Variants in PAN2 observed in about 807,000 individuals in gnomAD.
PAN2 encodes PAN2-PAN3 deadenylation complex catalytic subunit PAN2.
In PAN2, 68 loss-of-function variants were observed where a neutral mutation model predicts 133.3. The observed-to-expected ratio is 0.51, with a 90% confidence interval of 0.42 to 0.62. PAN2 has a LOEUF of 0.62. Ranked by LOEUF, PAN2 falls within the 20% of genes least tolerant of loss-of-function variation. The pLI is 0.00. For synonymous variants in PAN2, 462 were observed against 544.6 expected, an observed-to-expected ratio of 0.85 and a Z score of 2.11; for missense variants, 1,042 against 1,500.5, an observed-to-expected ratio of 0.69 and a Z score of 5.05.
chr12:56,326,507 T>TA lies in PAN2; in HGVS notation c.1263-99dup, dbSNP rs2135980076. ...CCAGAGAAAAAGAAAATACTGAAGG[T>TA]AGACAAAAATCAGGAAAGTAGTAGA... On this transcript the variant is annotated intron_variant, in intron 7 of 25. Transcript: ENST00000440411. 3.3e-6 allele frequency: 5 copies of TA among 1,505,858 alleles called. No homozygotes were observed. The South Asian group carries it at 6.4e-5, about 19-fold the overall frequency. 93.3% of individuals were successfully genotyped at this position (1,505,858 alleles called of 1,614,324 possible).
At chr12:56,328,441 G>C in intron 3 of PAN2, 31 bp downstream of exon 3, 1 of 1,611,330 alleles carries the variant, frequency 6.2e-7, no homozygotes, top group South Asian at 1.1e-5. Flanking sequence ...AGGCATCCTC[G>C]TTCCTAGTCC....
chr12:56,321,555 A>C, intron 20 of PAN2, among the ~76,000 whole-genome samples: 1 of 151,132 alleles, frequency 6.6e-6, no homozygotes, highest in South Asian at 2.1e-4. Context: ...AAAAAAAAAA[A>C]AAAAATTTTT....
chr12:56,331,711 T>TG (rs200797851), intron 2 of PAN2, among the ~76,000 whole-genome samples: 3,524 of 135,870 alleles, frequency 0.026, 58 homozygotes, highest in Middle Eastern at 0.057. Context: ...TTTTTTTTTT[T>TG]TTTGTTTTTT....
chr12:56,318,252 G>A lies in PAN2; in HGVS notation c.3547C>T (p.Gln1183Ter). ...CAGGTCTTACTCTTGGGACTTGTTTGGCCCTCAGGCTCAGGCACCTTCCAG... is the reference window on the plus strand; with the variant it reads ...CAGGTCTTACTCTTGGGACTTGTTTAGCCCTCAGGCTCAGGCACCTTCCAG... Reference protein sequence around the residue: ...MDWKVPEPEGQTSPKNAAVFS... With the variant: ...MDWKVPEPEG The change falls in exon 25 of 26, where the codon CAA becomes TAA. Residue 1183 changes from glutamine to a stop codon, truncating the protein, a stop_gained. Coordinates refer to ENST00000440411, the MANE Select transcript of PAN2 (RefSeq NM_014871.6). LOFTEE classifies it high-confidence loss of function. 6.2e-7 allele frequency: 1 copy of A among 1,613,774 alleles called. No homozygotes were observed.
intron 1 of PAN2, 151 bp from the exon 2 acceptor site, chr12:56,333,359 G>A: frequency 2.0e-6 from 1 of 507,754 alleles, no homozygotes; most frequent in East Asian, 3.4e-5. Context: ...GGGATGGGCA[G>A]TGGGGGTGGA....
chr12:56,331,700 G>GTTTTTTTTTTTTT (rs67869491), intron 2 of PAN2, among the ~76,000 whole-genome samples: 2 of 125,330 alleles, frequency 1.6e-5, no homozygotes, highest in Non-Finnish European at 1.9e-5. Context: ...GAAGGACAGC[G>GTTTTTTTTTTTTT]TTTTTTTTTT....
At chr12:56,332,508 T>C (rs1322594213) in intron 2 of PAN2, among the ~76,000 whole-genome samples, 1 of 150,834 alleles carries the variant, frequency 6.6e-6, no homozygotes, top group African/African-American at 2.5e-5. Context: ...AGTGGGAGGA[T>C]TGTGTGAGCC....
chr12:56,326,274 T>C (rs1235231281), intron 8 of PAN2, 39 bp downstream of exon 8: 2 of 1,515,550 alleles, frequency 1.3e-6, no homozygotes, highest in East Asian at 2.4e-5. Flanking sequence ...GAAACTTCAG[T>C]GGGCCGGGGT....
chr12:56,332,635 A>C, intron 2 of PAN2, 178 bp downstream of exon 2: 1 of 624,468 alleles, frequency 1.6e-6, no homozygotes, highest in Non-Finnish European at 2.8e-6. Context: ...GCCTCCTGAG[A>C]AAGAATATGT....
rs749003912 is a variant in PAN2 at position 56,324,723 on chromosome 12, CAGA to C, written c.1600-17_1600-15del. On this transcript the variant is annotated splice_polypyrimidine_tract_variant and intron_variant, in intron 10 of 25. Coordinates refer to ENST00000440411, the MANE Select transcript of PAN2 (RefSeq NM_014871.6). ...GAAATAGAGCACCTGGAGGGAAAAG[CAGA>C]AGAACTGATGTAGGAAACTGGCCTG... The C allele has an allele frequency of 2.2e-5, 35 of 1,609,082 alleles. No homozygotes were observed. Among genetic ancestry groups the C allele is most frequent in the African/African-American group, 5.4e-5 (4 of 74,556 alleles).
Position 56,319,141 on chromosome 12 carries a change from T to C in PAN2, c.3311A>G (p.His1104Arg). 6.2e-7 allele frequency: 1 copy of C among 1,614,074 alleles called. No individual in the cohort carries two copies. The highest frequency in any genetic ancestry group is 1.3e-5 in the African/African-American group (1 of 74,986). Residue 1104 changes from histidine to arginine, a missense_variant, in exon 24 of 26, where the codon CAT (histidine) becomes CGT (arginine). His to Arg is a conservative substitution (Grantham distance 29). This residue lies in a region of PAN2 where 85 missense variants were observed against 116.5 expected (regional missense o/e 0.73). Coordinates refer to ENST00000440411, the MANE Select transcript of PAN2 (RefSeq NM_014871.6). The surrounding 1 kb of genome is among the most constrained non-coding windows in gnomAD (Gnocchi z 5.4). Reference protein sequence around the residue: ...DQVLDTVYLFHMPRKRMISLR... With the variant: ...DQVLDTVYLFRMPRKRMISLR... ...GGAAATCATTCGTTTTCGGGGCATA[T>C]GGAACAGGTAGACAGTGTCAAGGAC...
rs1874054732 is a variant in PAN2, at chr12:56,317,652, G to C, written c.3563-9C>G. Reference sequence around the variant, plus strand: ...GGAGAAGACAGCTGCATCTGTCAGAGACAAAACCAAAAGCATGATTCAAGC... The same window carrying C: ...GGAGAAGACAGCTGCATCTGTCAGACACAAAACCAAAAGCATGATTCAAGC... On this transcript the variant is annotated splice_polypyrimidine_tract_variant and intron_variant, in intron 25 of 25. Coordinates refer to ENST00000440411, the MANE Select transcript of PAN2 (RefSeq NM_014871.6). 6.2e-7 allele frequency: 1 copy of C among 1,612,936 alleles called. No homozygotes were observed. Among genetic ancestry groups the C allele is most frequent in the Non-Finnish European group, 8.5e-7 (1 of 1,179,198 alleles).
Position 56,322,445 on chromosome 12 carries a change from A to G in PAN2, c.2675T>C (p.Phe892Ser). The G allele has an allele frequency of 6.2e-7, 1 of 1,612,782 alleles. No homozygotes were observed. Among genetic ancestry groups the G allele is most frequent in the Non-Finnish European group, 8.5e-7 (1 of 1,178,728 alleles). The part of the protein sequence containing the change: ...THQQWYLFND[F>S]LIEPIDKHEA... ...AACCTTATCAATAGGTTCAATAAGAAAGTCATTGAACAGATACCACTGCTG... is the reference window on the plus strand; with the variant it reads ...AACCTTATCAATAGGTTCAATAAGAGAGTCATTGAACAGATACCACTGCTG... The change falls in exon 19 of 26, where the codon TTT becomes TCT. Residue 892 changes from phenylalanine (F) to serine (S), a missense_variant. Around this residue, in one of 3 missense-constraint regions of PAN2, gnomAD observed 908 missense variants for 1,223.5 expected, o/e 0.74. Coordinates refer to ENST00000440411, the MANE Select transcript of PAN2 (RefSeq NM_014871.6).
intron 5 of PAN2, 26 bp downstream of exon 5, chr12:56,327,969 T>C (rs752064493): frequency 5.1e-5 from 82 of 1,613,180 alleles, no homozygotes; most frequent in Non-Finnish European, 6.5e-5. Context: ...GGCCCTGCAG[T>C]GGGAGGAGAA....
chr12:56,329,867 C>T (rs1467440213), intron 2 of PAN2, among the ~76,000 whole-genome samples: 1 of 151,110 alleles, frequency 6.6e-6, no homozygotes, highest in Non-Finnish European at 1.5e-5. Context: ...TTACTTTAAC[C>T]TGGGAGGCAG....
intron 9 of PAN2, 22 bp downstream of exon 9, chr12:56,325,313 A>G (rs374347340): frequency 4.3e-6 from 7 of 1,613,498 alleles, no homozygotes; most frequent in East Asian, 2.2e-5. Context: ...CACATCCCAC[A>G]GGCCCTGATG....
chr12:56,318,570 G>T lies in PAN2; in HGVS notation c.3365-136C>A, dbSNP rs1592427320. On this transcript the variant is annotated intron_variant, in intron 24 of 25. Transcript: ENST00000440411. ...AAAATTGTCAGACATCTTCCTCAGT[G>T]CACAGAAGGGATATTGAAGTTAATT... is the stretch of plus-strand genomic sequence containing the variant. 3.3e-5 allele frequency: 21 copies of T among 635,656 alleles called. No homozygotes were observed. In the East Asian group the frequency reaches 5.4e-4, roughly 16 times the overall value. The allele number at this position is 635,656 out of a possible 1,614,324, so 39.4% of individuals were successfully genotyped here.
intron 2 of PAN2, 36 bp downstream of exon 2, chr12:56,332,777 C>T (rs763208935): frequency 1.9e-6 from 3 of 1,600,050 alleles, no homozygotes; most frequent in Non-Finnish European, 1.7e-6. Context: ...AGACCTTCAA[C>T]ATCTTTCAAC....
chr12:56,323,557 G>C lies in PAN2; in HGVS notation c.2214C>G (p.Val738=). The C allele has an allele frequency of 6.2e-7, 1 of 1,614,198 alleles. No homozygotes were observed. ...RNIRHLPDIL[V]INCEVNSSKE... ...TTGAGCTGTTCACCTCACAATTGAT[G>C]ACAAGAATATCTGGCAGATGGCGGA... The change falls in exon 15 of 26, where the codon GTC becomes GTG. Residue 738 remains valine (V), a synonymous_variant. Coordinates refer to ENST00000440411, the MANE Select transcript of PAN2 (RefSeq NM_014871.6).
Sources: allele counts gnomAD v4.1 joint callset (sites outside exome capture counted in the v4.1 genomes callset), GRCh38; gene constraint gnomAD v4.1.1; regional missense constraint gnomAD v4.1.1; non-coding constraint Gnocchi (gnomAD v3.1); transcripts MANE v1.5; gene names NCBI Gene and HGNC (gene_info 2026-07-23, HGNC 2026-07-21).